The following CPT1A variants were observed in gnomAD, a reference collection of about 807,000 sequenced individuals.
CPT1A encodes the protein carnitine palmitoyltransferase 1A.
CPT1A carries 64 observed loss-of-function variants against 100.8 expected under a neutral mutation model. That is an observed-to-expected ratio of 0.63 (90% CI 0.52 to 0.78). The LOEUF (loss-of-function observed/expected upper bound fraction) is 0.78, where lower values mean the gene tolerates loss of function less well. Among genes scored for constraint, CPT1A ranks in the 30% least tolerant of loss-of-function variants. The pLI is 0.00. For missense variants in CPT1A, 802 were observed against 1,034.1 expected (o/e 0.78, Z 3.08); for synonymous variants, 363 against 396.0 (o/e 0.92, Z 0.99).
chr11:68,760,505 C>T (rs559508915), intron 16 of CPT1A, among the ~76,000 whole-genome samples, 167 bp from the exon 17 acceptor site: 344 of 151,328 alleles, frequency 2.3e-3, no homozygotes, highest in African/African-American at 7.9e-3. Context: ...CTGCAGAGAG[C>T]ATGCGGGGTG....
rs763226691 is a variant in CPT1A, at chr11:68,762,718, C to T, written c.1784G>A (p.Arg595Gln). 9 of 1,613,924 alleles carry T rather than the reference C, an allele frequency of 5.6e-6. No homozygotes were observed. Among genetic ancestry groups the T allele is most frequent in the East Asian group, 2.2e-5 (1 of 44,888 alleles). Residue 595 changes from arginine to glutamine, a missense_variant, in exon 15 of 19, where the codon CGG becomes CAG. This residue lies in a region of CPT1A where 627 missense variants were observed against 799.3 expected (regional missense o/e 0.78). Coordinates refer to ENST00000265641, the MANE Select transcript of CPT1A (RefSeq NM_001876.4). ...FCLTYEASMT[R>Q]LFREGRTETV... ...CTCCGTCCTCCCCTCTCGGAAGAGC[C>T]GGGTCATGGAGGCCTCGTATGTGAG...
At chr11:68,768,371 G>A (rs114340863) in intron 14 of CPT1A, among the ~76,000 whole-genome samples, 4,779 of 151,802 alleles carry the variant, frequency 0.031, 236 homozygotes, top group African/African-American at 0.11. Context: ...CACTGTGCCC[G>A]GCCTGCCAGC....
At chr11:68,761,153 G>A (rs1163092820) in intron 16 of CPT1A, among the ~76,000 whole-genome samples, 1 of 151,410 alleles carries the variant, frequency 6.6e-6, no homozygotes, top group Admixed American at 6.6e-5. Flanking sequence ...AGCCCAGCCT[G>A]GGCAACACTG....
At chr11:68,788,108 G>A (rs1041024613) in intron 9 of CPT1A, among the ~76,000 whole-genome samples, 2 of 152,098 alleles carry the variant, frequency 1.3e-5, no homozygotes, top group Non-Finnish European at 2.9e-5. Context: ...TGAGAAAATC[G>A]CTGTCTTGCT....
intron 1 of CPT1A, among the ~76,000 whole-genome samples, chr11:68,817,102 TGTGTGTGTGTGG>T (rs1566379262): frequency 8.4e-6 from 1 of 118,458 alleles, no homozygotes; most frequent in East Asian, 2.6e-4. Flanking sequence ...GTGTGTGTGG[TGTGTGTGTGTGG>T]GTGTGTGGTG....
intron 12 of CPT1A, among the ~76,000 whole-genome samples, chr11:68,778,310 G>A (rs1231814469): frequency 1.3e-5 from 2 of 152,140 alleles, no homozygotes; most frequent in Non-Finnish European, 1.5e-5. Flanking sequence ...GACGGGGCCA[G>A]GAGCCAGGGG....
intron 10 of CPT1A, among the ~76,000 whole-genome samples, chr11:68,782,827 A>C (rs886165930): frequency 6.6e-6 from 1 of 152,168 alleles, no homozygotes; most frequent in Non-Finnish European, 1.5e-5. Context: ...TCGGGGAACA[A>C]AGGTGACGCT....
intron 14 of CPT1A, among the ~76,000 whole-genome samples, chr11:68,770,250 G>A (rs1250517709): frequency 3.3e-5 from 5 of 152,032 alleles, no homozygotes; most frequent in South Asian, 2.1e-4. Flanking sequence ...CCAGATTCTC[G>A]TTTCTATTAC....
intron 9 of CPT1A, among the ~76,000 whole-genome samples, chr11:68,791,897 G>A (rs1287471969): frequency 6.6e-6 from 1 of 152,140 alleles, no homozygotes; most frequent in Non-Finnish European, 1.5e-5. Flanking sequence ...AATCTGCTTA[G>A]GAAAGCCCAC....
chr11:68,769,498 G>T (rs1464526483), intron 14 of CPT1A, among the ~76,000 whole-genome samples: 1 of 149,450 alleles, frequency 6.7e-6, no homozygotes, highest in Non-Finnish European at 1.5e-5. Flanking sequence ...TGATCCACCT[G>T]CCTCAGCCAC....
intron 10 of CPT1A, among the ~76,000 whole-genome samples, chr11:68,782,747 G>C (rs1855347764): frequency 6.6e-6 from 1 of 152,134 alleles, no homozygotes; most frequent in African/African-American, 2.4e-5. Flanking sequence ...CTTCTCTCTA[G>C]GAGTGCTTGG....
In CPT1A at chr11:68,819,789, T is replaced by C. The variant is rs112688303; in HGVS notation, c.-13-4302A>G. Among the ~76,000 whole-genome samples the C allele has an allele frequency of 5.2e-3, 791 of 152,292 alleles. 7 individuals carry two copies. Among genetic ancestry groups the C allele is most frequent in the Middle Eastern group, 0.014 (4 of 294 alleles). On this transcript the variant is annotated intron_variant, in intron 1 of 18. Coordinates refer to ENST00000265641, the MANE Select transcript of CPT1A (RefSeq NM_001876.4). The stretch of plus-strand genomic sequence containing the variant: ...CTAAATGCCCCTAAGGTGCACAATT[T>C]GTTTTTCTACTTCTGCAGGAGCTGA...
At chr11:68,757,801 T>G in intron 18 of CPT1A, 71 bp from the exon 19 acceptor site, 1 of 1,260,512 alleles carries the variant, frequency 7.9e-7, no homozygotes, top group Non-Finnish European at 1.2e-6. Flanking sequence ...CTTTTTCATT[T>G]GCAATCTGAC....
At chr11:68,781,083 G>C (rs752951730) in intron 11 of CPT1A, among the ~76,000 whole-genome samples, 8 of 152,286 alleles carry the variant, frequency 5.3e-5, no homozygotes, top group Middle Eastern at 6.8e-3. Context: ...CACCCTGCAG[G>C]GGGCGGGGCT....
At chr11:68,776,127 G>A (rs764599624) in intron 12 of CPT1A, among the ~76,000 whole-genome samples, 8 of 152,232 alleles carry the variant, frequency 5.3e-5, no homozygotes, top group African/African-American at 1.9e-4. Flanking sequence ...AGGCAGGCGC[G>A]GTGCCTCACT....
chr11:68,784,615 C>T (rs1471426256), intron 10 of CPT1A, among the ~76,000 whole-genome samples, 200 bp downstream of exon 10: 5 of 152,192 alleles, frequency 3.3e-5, no homozygotes, highest in Admixed American at 2.0e-4. Context: ...GCCTGACACA[C>T]ACACAGGGGT....
At chr11:68,759,227 C>A (rs1260533433) in intron 18 of CPT1A, among the ~76,000 whole-genome samples, 1 of 151,938 alleles carries the variant, frequency 6.6e-6, no homozygotes, top group South Asian at 2.1e-4. Context: ...AACCCTGTCT[C>A]TACTAAAAAT....
At chr11:68,810,067 A>G (rs9704703) in intron 3 of CPT1A, among the ~76,000 whole-genome samples, 3,029 of 152,264 alleles carry the variant, frequency 0.02, 110 homozygotes, top group African/African-American at 0.069. Context: ...AGTCCCAGGT[A>G]CTCAAGAGGC....
At chr11:68,785,953 C>T (rs1594338546) in intron 9 of CPT1A, 4 of 698,234 alleles carry the variant, frequency 5.7e-6, no homozygotes, top group South Asian at 3.0e-5. Context: ...TGATGAAGTA[C>T]GTTCACTCCA....
Sources: allele counts gnomAD v4.1 joint callset (sites outside exome capture counted in the v4.1 genomes callset), GRCh38; gene constraint gnomAD v4.1.1; regional missense constraint gnomAD v4.1.1; transcripts MANE v1.5; gene names NCBI Gene and HGNC (gene_info 2026-07-23, HGNC 2026-07-21).